Variants in PRKCE observed in about 807,000 individuals in gnomAD.
PRKCE encodes protein kinase C epsilon type.
Under a neutral mutation model 85.4 loss-of-function variants are expected in PRKCE, and 16 were observed. That is an observed-to-expected ratio of 0.19 (90% CI 0.13 to 0.28). The LOEUF (loss-of-function observed/expected upper bound fraction) is 0.28. PRKCE is among the 10% of genes least tolerant of loss of function. The probability of loss-of-function intolerance (pLI) is 1.00; values close to 1 mark genes in which losing one functional copy is unlikely to be tolerated. For synonymous variants in PRKCE, 388 were observed against 371.5 expected, an observed-to-expected ratio of 1.04 and a Z score of -0.51; for missense variants, 573 against 975.2, an observed-to-expected ratio of 0.59 and a Z score of 5.49.
intron 10 of PRKCE, among the ~76,000 whole-genome samples, chr2:46,014,181 T>A (rs970214391): frequency 6.6e-6 from 1 of 152,238 alleles, no homozygotes; most frequent in Non-Finnish European, 1.5e-5. Flanking sequence ...ATTAAGCCAG[T>A]GGTTTTAATT....
At chr2:45,878,300 T>C (rs760918059) in intron 2 of PRKCE, among the ~76,000 whole-genome samples, 2 of 152,222 alleles carry the variant, frequency 1.3e-5, no homozygotes, top group Non-Finnish European at 2.9e-5. Context: ...CTCTAGTGTT[T>C]GCATCTGCTT....
intron 1 of PRKCE, among the ~76,000 whole-genome samples, chr2:45,818,792 A>G (rs1052243660): frequency 2.0e-5 from 3 of 152,190 alleles, no homozygotes; most frequent in Admixed American, 6.5e-5. Context: ...AGCACTCACC[A>G]TGGCTGTTTC....
At chr2:46,085,347 C>T (rs749772298) in intron 10 of PRKCE, among the ~76,000 whole-genome samples, 1 of 152,228 alleles carries the variant, frequency 6.6e-6, no homozygotes, top group Non-Finnish European at 1.5e-5. Flanking sequence ...CTTGATTCCA[C>T]ATTGCAATCT....
chr2:46,106,205 G>A (rs1483593430), intron 11 of PRKCE, among the ~76,000 whole-genome samples: 1 of 152,152 alleles, frequency 6.6e-6, no homozygotes, highest in African/African-American at 2.4e-5. Flanking sequence ...AATTGTATAT[G>A]TAACCATCTG....
At chr2:45,882,175 A>G (rs1423846033) in intron 2 of PRKCE, among the ~76,000 whole-genome samples, 1 of 152,210 alleles carries the variant, frequency 6.6e-6, no homozygotes, top group East Asian at 1.9e-4. Context: ...TGTCATAGCT[A>G]ATATGTGGCG....
intron 6 of PRKCE, among the ~76,000 whole-genome samples, 194 bp downstream of exon 6, chr2:45,984,874 G>A (rs1241940996): frequency 6.6e-6 from 1 of 152,198 alleles, no homozygotes; most frequent in African/African-American, 2.4e-5. Flanking sequence ...TCCAGGACTG[G>A]GTGGAGGGAA....
intron 2 of PRKCE, among the ~76,000 whole-genome samples, chr2:45,909,960 A>G (rs1697257908): frequency 6.6e-6 from 1 of 151,852 alleles, no homozygotes; most frequent in Non-Finnish European, 1.5e-5. Flanking sequence ...CTCAAATAGA[A>G]CCGGAATCAC....
intron 11 of PRKCE, among the ~76,000 whole-genome samples, chr2:46,086,887 CT>C: frequency 1.3e-5 from 2 of 152,228 alleles, no homozygotes; most frequent in Middle Eastern, 3.4e-3. Context: ...CAGGAAGTTA[CT>C]TTTTGCAGAT....
intron 10 of PRKCE, among the ~76,000 whole-genome samples, chr2:46,074,750 G>T (rs1011435330): frequency 4.6e-5 from 7 of 152,212 alleles, no homozygotes. Context: ...CCAGGGAGAC[G>T]CTTTGAGTTC....
At chr2:45,709,345 T>C (rs1679406274) in intron 1 of PRKCE, among the ~76,000 whole-genome samples, 1 of 152,216 alleles carries the variant, frequency 6.6e-6, no homozygotes. Context: ...AGAGGGCTGG[T>C]GTGATGGAAG....
rs1680625635 is a variant in PRKCE, at chr2:45,721,619, C to A, written c.348+69171C>A. ...TGACATGGTGGCTCACGCCTGTAAT[C>A]CCAGCGACTCTGGAGGCTGAGGCTG... is the stretch of plus-strand genomic sequence containing the variant. On this transcript the variant is annotated intron_variant, in intron 1 of 14. Coordinates refer to ENST00000306156, the MANE Select transcript of PRKCE (RefSeq NM_005400.3). 1.3e-5 allele frequency among the ~76,000 whole-genome samples: 2 copies of A among 152,126 alleles called. 1 individual carries two copies. The highest frequency in any genetic ancestry group is 2.9e-5 in the Non-Finnish European group (2 of 68,026).
At chr2:46,054,322 C>A (rs1056821337) in intron 10 of PRKCE, among the ~76,000 whole-genome samples, 1 of 152,204 alleles carries the variant, frequency 6.6e-6, no homozygotes, top group Non-Finnish European at 1.5e-5. Context: ...TTCCCACTTG[C>A]ATTTGATAAC....
chr2:45,863,986 C>G (rs1410492931), intron 2 of PRKCE, among the ~76,000 whole-genome samples: 1 of 152,208 alleles, frequency 6.6e-6, no homozygotes, highest in African/African-American at 2.4e-5. Flanking sequence ...GACTAGCTCT[C>G]ACTTTTCCAG....
chr2:45,841,008 C>G (rs1401251289), intron 1 of PRKCE, among the ~76,000 whole-genome samples: 1 of 152,112 alleles, frequency 6.6e-6, no homozygotes, highest in African/African-American at 2.4e-5. Context: ...GAACACAGAG[C>G]CTTTTCCCAC....
chr2:45,933,590 C>A (rs377577866), intron 2 of PRKCE, among the ~76,000 whole-genome samples: 75 of 151,700 alleles, frequency 4.9e-4, no homozygotes, highest in African/African-American at 1.8e-3. Flanking sequence ...TCTCCTGCCT[C>A]AGCCTCCCGA....
intron 2 of PRKCE, among the ~76,000 whole-genome samples, chr2:45,922,249 C>G (rs1468731161): frequency 6.6e-6 from 1 of 152,098 alleles, no homozygotes; most frequent in East Asian, 1.9e-4. Flanking sequence ...TGTAAAATTC[C>G]ATTAAATGGT....
At chr2:45,805,248 A>G (rs1051515439) in intron 1 of PRKCE, among the ~76,000 whole-genome samples, 2 of 152,180 alleles carry the variant, frequency 1.3e-5, no homozygotes, top group African/African-American at 4.8e-5. Flanking sequence ...TAACTTGCCC[A>G]AGATTGTATA....
intron 2 of PRKCE, among the ~76,000 whole-genome samples, chr2:45,880,138 G>A (rs758651607): frequency 1.3e-4 from 20 of 152,126 alleles, no homozygotes; most frequent in South Asian, 2.1e-4. Flanking sequence ...TTCTGCTCCT[G>A]GCTTATTTCA....
rs1205429211 is a variant in PRKCE at position 45,958,836 on chromosome 2, T to A, written c.413-17593T>A. Among the ~76,000 whole-genome samples the A allele has an allele frequency of 5.6e-3, 524 of 93,606 alleles. 17 individuals carry two copies. The highest frequency in any genetic ancestry group is 0.012 in the African/African-American group (340 of 27,878). 61.4% of individuals were successfully genotyped at this position (93,606 alleles called of 152,430 possible). ...TATATATTTTTTTTTTTTTTTTTTT[T>A]TTTTTTTTTTTTTTTTTTTAATAGA... On this transcript the variant is annotated intron_variant, in intron 2 of 14. Coordinates refer to ENST00000306156, the MANE Select transcript of PRKCE (RefSeq NM_005400.3).
Sources: gnomAD v4.1 joint callset for allele counts (sites outside exome capture counted in the v4.1 genomes callset) on GRCh38, gnomAD v4.1.1 for gene constraint, MANE v1.5 for transcripts, NCBI Gene and HGNC (gene_info 2026-07-23, HGNC 2026-07-21) for gene names.